Variants in RAB36 observed in about 807,000 individuals in gnomAD.
RAB36 encodes the protein RAB36, member RAS oncogene family.
Under a neutral mutation model 39.3 loss-of-function variants are expected in RAB36, and 33 were observed. The observed-to-expected ratio is 0.84, with a 90% CI of 0.64 to 1.12. The LOEUF (loss-of-function observed/expected upper bound fraction) is 1.12, where lower values mean the gene tolerates loss of function less well. RAB36 is among the 50% of genes most tolerant of loss of function. The pLI is 0.00. For synonymous variants in RAB36, 133 were observed against 140.2 expected, an observed-to-expected ratio of 0.95 and a Z score of 0.36; for missense variants, 308 against 355.3, an observed-to-expected ratio of 0.87 and a Z score of 1.07.
At chr22:23,155,893 C>T (rs563770671) in intron 5 of RAB36, 75 bp from the exon 6 acceptor site, 37 of 1,387,350 alleles carry the variant, frequency 2.7e-5, no homozygotes, top group African/African-American at 1.4e-4. Flanking sequence ...CCCATGGTCC[C>T]GTAGCCTGTT....
Position 23,158,758 on chromosome 22 carries a change from C to T in RAB36, c.447-140C>T. Reference sequence around the variant, plus strand: ...CCGGCTGGAGGTGCAGCATCCTGCTCAGCCAGTGTGGGCCAGGAAGCCCTC... The same window carrying T: ...CCGGCTGGAGGTGCAGCATCCTGCTTAGCCAGTGTGGGCCAGGAAGCCCTC... On this transcript the variant is annotated intron_variant, in intron 7 of 10. Coordinates refer to ENST00000263116, the MANE Select transcript of RAB36 (RefSeq NM_004914.5). The T allele has an allele frequency of 6.9e-6, 5 of 728,890 alleles. No homozygotes were observed. The South Asian group carries it at 8.2e-5, about 12-fold the overall frequency. 45.2% of individuals were successfully genotyped at this position (728,890 alleles called of 1,614,324 possible).
In RAB36 at chr22:23,162,715, T is replaced by C. The variant is rs1326953470; in HGVS notation, c.*1151T>C. On this transcript the variant is annotated 3_prime_UTR_variant, in exon 11 of 11. Transcript: ENST00000263116. ...ATGCCCACTCATCCCACCCGTCTCG[T>C]GCTGTTGCTTCCCGTAGATGGCGAG... 8.8e-6 allele frequency: 4 copies of C among 456,270 alleles called. No homozygotes were observed. In the Admixed American group the frequency reaches 9.4e-5, roughly 11 times the overall value. 28.3% of individuals were successfully genotyped at this position (456,270 alleles called of 1,614,324 possible).
chr22:23,149,370 A>G (rs1232755282), intron 2 of RAB36, among the ~76,000 whole-genome samples: 2 of 152,168 alleles, frequency 1.3e-5, no homozygotes, highest in Non-Finnish European at 2.9e-5. Context: ...ATTACAGACC[A>G]GGTGAGGGTG....
downstream of RAB36, among the ~76,000 whole-genome samples, chr22:23,169,154 C>T (rs151054225): frequency 3.1e-3 from 467 of 152,344 alleles, 2 homozygotes; most frequent in African/African-American, 0.011. Context: ...AGGTTCACAG[C>T]CCCAGTCACT....
chr22:23,167,784 G>A (rs1330260686), downstream of RAB36, among the ~76,000 whole-genome samples: 5 of 152,058 alleles, frequency 3.3e-5, no homozygotes, highest in African/African-American at 9.6e-5. Flanking sequence ...CCGGTCTCAA[G>A]CAATCCTCCT....
intron 9 of RAB36, among the ~76,000 whole-genome samples, chr22:23,160,231 T>G (rs2146591410): frequency 6.6e-6 from 1 of 152,314 alleles, no homozygotes; most frequent in East Asian, 1.9e-4. Flanking sequence ...CCACTGCTCC[T>G]TTCCAACAGT....
chr22:23,152,925 T>C (rs2071243004), intron 4 of RAB36, 108 bp from the exon 5 acceptor site: 10 of 796,148 alleles, frequency 1.3e-5, no homozygotes, highest in Admixed American at 2.1e-5. Context: ...CATCGCTTCC[T>C]GATGGGAAGT....
Position 23,150,049 on chromosome 22 carries a change from C to T in RAB36, c.70-14C>T, listed in dbSNP as rs9612248. The T allele has an allele frequency of 0.35, 561,484 of 1,589,560 alleles. 102,315 individuals carry two copies. Among genetic ancestry groups the T allele is most frequent in the East Asian group, 0.59 (26,109 of 44,178 alleles). On this transcript the variant is annotated splice_polypyrimidine_tract_variant and intron_variant, in intron 2 of 10. Transcript: ENST00000263116. ...TTTGCAGGATGATGTGTCCGTCTGTCTGTCTCTTTGCAGTGGTACACGCCG... is the reference window on the plus strand; with the variant it reads ...TTTGCAGGATGATGTGTCCGTCTGTTTGTCTCTTTGCAGTGGTACACGCCG...
intron 5 of RAB36, among the ~76,000 whole-genome samples, chr22:23,154,784 G>C (rs930854317): frequency 8.5e-5 from 13 of 152,164 alleles, no homozygotes; most frequent in African/African-American, 3.1e-4. Context: ...ATGAATTAAT[G>C]AAAGAATGAA....
intron 9 of RAB36, among the ~76,000 whole-genome samples, chr22:23,160,080 C>T (rs1280919440): frequency 6.6e-6 from 1 of 152,106 alleles, no homozygotes; most frequent in African/African-American, 2.4e-5. Context: ...GCTCTGGGGA[C>T]TCAGGAATTG....
At chr22:23,165,972 C>T (rs1394188436), downstream of RAB36, among the ~76,000 whole-genome samples, 2 of 151,984 alleles carry the variant, frequency 1.3e-5, no homozygotes, top group Admixed American at 6.6e-5. Flanking sequence ...TGGTGAAACC[C>T]TGTCTCTACT....
intron 9 of RAB36, 139 bp downstream of exon 9, chr22:23,159,392 C>A (rs897843722): frequency 2.4e-6 from 2 of 826,972 alleles, no homozygotes; most frequent in Admixed American, 5.8e-5. Context: ...GGCATCACAG[C>A]CCTGCTGTGC....
At chr22:23,161,418 G>C (rs1017792066) in intron 10 of RAB36, 82 bp from the exon 11 acceptor site, 70 of 1,253,242 alleles carry the variant, frequency 5.6e-5, no homozygotes, top group Non-Finnish European at 7.5e-5. Context: ...TCACAGCTCT[G>C]ACTGTCAGGG....
Position 23,156,045 on chromosome 22 carries a change from C to T in RAB36, c.394+13C>T. On this transcript the variant is annotated intron_variant, in intron 6 of 10. Transcript: ENST00000263116. ...CGGGGTGCCCAGGGTGAGCAACATGCCACGTCGGGGCTCAACTGCATGCAG... is the reference window on the plus strand; with the variant it reads ...CGGGGTGCCCAGGGTGAGCAACATGTCACGTCGGGGCTCAACTGCATGCAG... 1 of 1,607,664 alleles carries T rather than the reference C, an allele frequency of 6.2e-7. No homozygotes were observed. The highest frequency in any genetic ancestry group is 1.1e-5 in the South Asian group (1 of 90,186).
chr22:23,150,125 C>T lies in RAB36; in HGVS notation c.132C>T (p.Ala44=). 1 of 1,612,642 alleles carries T rather than the reference C, an allele frequency of 6.2e-7. No homozygotes were observed. Among genetic ancestry groups the T allele is most frequent in the Non-Finnish European group, 8.5e-7 (1 of 1,179,474 alleles). ...REHFHGQVSA[A]CQRRNTGTVG... The stretch of plus-strand genomic sequence containing the variant: ...ACTTCCACGGGCAGGTCAGCGCTGC[C>T]TGCCAACGCAGGAACACGGGGACTG... The change falls in exon 3 of 11, where the codon GCC becomes GCT. Residue 44 remains alanine (A), a synonymous_variant. Coordinates refer to ENST00000263116, the MANE Select transcript of RAB36 (RefSeq NM_004914.5).
intron 5 of RAB36, 146 bp downstream of exon 5, chr22:23,153,280 CT>C (rs1322023630): frequency 1.3e-5 from 9 of 682,546 alleles, no homozygotes; most frequent in Non-Finnish European, 2.2e-5. Flanking sequence ...ACTTAGCTTC[CT>C]GGCTCCCAGA....
intron 5 of RAB36, among the ~76,000 whole-genome samples, chr22:23,154,740 C>T (rs963072135): frequency 6.6e-6 from 1 of 152,170 alleles, no homozygotes; most frequent in Non-Finnish European, 1.5e-5. Flanking sequence ...ACCAGCTCCT[C>T]CCCCAGAGTC....
intron 5 of RAB36, among the ~76,000 whole-genome samples, chr22:23,155,109 G>A (rs888929935): frequency 3.3e-5 from 5 of 152,110 alleles, no homozygotes; most frequent in Non-Finnish European, 5.9e-5. Context: ...TGGGCAATAA[G>A]AGCGAAACTC....
At position 23,161,468 on chromosome 22, in the gene RAB36, T is replaced by C. The variant is rs970729547; in HGVS notation, c.740-32T>C. The stretch of plus-strand genomic sequence containing the variant: ...CCAGTGTCAGCTACAGGATTCCTGG[T>C]TGATGCTAAATTACTTCTCCCCTCC... On this transcript the variant is annotated intron_variant, in intron 10 of 10. Transcript: ENST00000263116. 2.6e-6 allele frequency: 4 copies of C among 1,567,064 alleles called. No homozygotes were observed. The African/African-American group carries it at 4.1e-5, about 16-fold the overall frequency.
Sources: gnomAD v4.1 joint callset for allele counts (sites outside exome capture counted in the v4.1 genomes callset) on GRCh38, gnomAD v4.1.1 for gene constraint, MANE v1.5 for transcripts, NCBI Gene and HGNC (gene_info 2026-07-23, HGNC 2026-07-21) for gene names.